The following CHD6 variants were observed in gnomAD, a reference collection of about 807,000 sequenced individuals.
The protein encoded by CHD6 is chromodomain helicase DNA binding protein 6.
In CHD6, 50 loss-of-function variants were observed where a neutral mutation model predicts 276.9. The observed-to-expected ratio is 0.18, with a 90% CI of 0.14 to 0.23. CHD6 has a LOEUF of 0.23. Among genes scored for constraint, CHD6 ranks in the 10% least tolerant of loss-of-function variants. The pLI, the probability that CHD6 is intolerant of heterozygous loss-of-function variation, is 1.00. For missense variants in CHD6, 2,564 were observed against 3,365.8 expected, an observed-to-expected ratio of 0.76 and a Z score of 5.89; for synonymous variants, 1,173 against 1,229.3, an observed-to-expected ratio of 0.95 and a Z score of 0.96.
chr20:41,604,002 G>C (rs755803832), intron 1 of CHD6, among the ~76,000 whole-genome samples: 4 of 144,864 alleles, frequency 2.8e-5, no homozygotes, highest in African/African-American at 1.0e-4. Flanking sequence ...GTGCGCATGC[G>C]TGTTTGTATA....
intron 11 of CHD6, among the ~76,000 whole-genome samples, chr20:41,490,308 T>C (rs979622440): frequency 2.0e-5 from 3 of 152,250 alleles, no homozygotes; most frequent in Admixed American, 6.5e-5. Context: ...GGGAACATCA[T>C]AGAGTGTACC....
At chr20:41,534,045 A>G (rs1384930395) in intron 2 of CHD6, among the ~76,000 whole-genome samples, 1 of 152,228 alleles carries the variant, frequency 6.6e-6, no homozygotes, top group Non-Finnish European at 1.5e-5. Flanking sequence ...AGCCCCCCAA[A>G]GTGACCACTT....
At chr20:41,438,331 T>C (rs1372574434) in intron 26 of CHD6, among the ~76,000 whole-genome samples, 2 of 152,208 alleles carry the variant, frequency 1.3e-5, no homozygotes, top group African/African-American at 4.8e-5. Context: ...GGCTCACACC[T>C]GTAATCCCAG....
intron 1 of CHD6, among the ~76,000 whole-genome samples, chr20:41,585,511 CAAAAAAAA>C (rs60920576): frequency 2.7e-5 from 2 of 74,234 alleles, no homozygotes; most frequent in African/African-American, 8.3e-5. Context: ...TCCGTCTCAC[CAAAAAAAA>C]AAAAAAAAAA....
At chr20:41,436,908 A>C (rs2047726458) in intron 27 of CHD6, among the ~76,000 whole-genome samples, 1 of 152,196 alleles carries the variant, frequency 6.6e-6, no homozygotes, top group African/African-American at 2.4e-5. Flanking sequence ...CAACAGGATG[A>C]ATCTTTGTGG....
chr20:41,511,518 T>G (rs1415252439), intron 5 of CHD6, among the ~76,000 whole-genome samples: 1 of 152,198 alleles, frequency 6.6e-6, no homozygotes, highest in Non-Finnish European at 1.5e-5. Flanking sequence ...TGGAAACTGC[T>G]AAAATGCAAA....
At chr20:41,442,824 C>T (rs2047940222) in intron 25 of CHD6, among the ~76,000 whole-genome samples, 1 of 152,196 alleles carries the variant, frequency 6.6e-6, no homozygotes, top group South Asian at 2.1e-4. Context: ...CTGATATGGA[C>T]TCTGGCGGGT....
intron 2 of CHD6, among the ~76,000 whole-genome samples, chr20:41,549,588 A>G (rs2045113066): frequency 6.6e-6 from 1 of 150,670 alleles, no homozygotes; most frequent in African/African-American, 2.5e-5. Context: ...GCACATGTAT[A>G]CATATGTAAC....
At chr20:41,581,629 T>C (rs2045540916) in intron 1 of CHD6, among the ~76,000 whole-genome samples, 1 of 150,180 alleles carries the variant, frequency 6.7e-6, no homozygotes, top group African/African-American at 2.5e-5. Context: ...TGAGCCGAGA[T>C]CATGCCACTG....
intron 27 of CHD6, among the ~76,000 whole-genome samples, chr20:41,431,317 G>A (rs2047530215): frequency 6.6e-6 from 1 of 152,106 alleles, no homozygotes; most frequent in African/African-American, 2.4e-5. Flanking sequence ...ACTGTTACAG[G>A]GGTCAGAGCT....
At chr20:41,480,527 C>A (rs1345613478) in intron 16 of CHD6, among the ~76,000 whole-genome samples, 1 of 152,066 alleles carries the variant, frequency 6.6e-6, no homozygotes, top group Non-Finnish European at 1.5e-5. Flanking sequence ...CAAATATTAA[C>A]CTAACTCAAA....
chr20:41,421,250 T>A lies in CHD6; in HGVS notation c.5385A>T (p.Ala1795=). ...SKEGELCCSE[A]GQRPENIGQL... Reference sequence around the variant, plus strand: ...GGCCAATGTTTTCAGGTCTCTGTCCTGCCTCACTGCAGCAGAGCTCCCCTT... The same window carrying A: ...GGCCAATGTTTTCAGGTCTCTGTCCAGCCTCACTGCAGCAGAGCTCCCCTT... Residue 1795 remains alanine, a synonymous_variant, in exon 31 of 37, where the codon GCA becomes GCT. Transcript: ENST00000373233. 1.2e-6 allele frequency: 2 copies of A among 1,614,142 alleles called. No homozygotes were observed. The highest frequency in any genetic ancestry group is 8.5e-7 in the Non-Finnish European group (1 of 1,180,034).
intron 35 of CHD6, 47 bp downstream of exon 35, chr20:41,413,277 C>G: frequency 7.0e-7 from 1 of 1,425,988 alleles, no homozygotes. Context: ...AGCAACAAGT[C>G]AGCAGGAAGT....
rs531691698 is a variant in CHD6, at chr20:41,478,242, A to G, written c.2469-4725T>C. On this transcript the variant is annotated intron_variant, in intron 16 of 36. Transcript: ENST00000373233. ...ACAGTGCCCCCCCATCTGATGGCCT[A>G]AGATATCAGACATGAGGCTGATATG... Among the ~76,000 whole-genome samples, 16 of 152,298 alleles carry G rather than the reference A, an allele frequency of 1.1e-4. No homozygotes were observed. The Middle Eastern group carries it at 0.014, about 130-fold the overall frequency.
chr20:41,574,257 C>A (rs1430638610), intron 1 of CHD6, among the ~76,000 whole-genome samples: 2 of 152,006 alleles, frequency 1.3e-5, no homozygotes, highest in Non-Finnish European at 2.9e-5. Flanking sequence ...AAAAAGTTTA[C>A]CAAGGGAAAA....
Position 41,408,132 on chromosome 20 carries a change from A to G in CHD6, c.7252-2643T>C, listed in dbSNP as rs1399685323. On this transcript the variant is annotated intron_variant, in intron 36 of 36. Transcript: ENST00000373233. ...AAAGCTTCATGATGGCAACTTTAAGAAAATTCTTCTCAAAAAGCCTTGGTT... is the reference window on the plus strand; with the variant it reads ...AAAGCTTCATGATGGCAACTTTAAGGAAATTCTTCTCAAAAAGCCTTGGTT... Among the ~76,000 whole-genome samples the G allele has an allele frequency of 1.2e-4, 18 of 152,044 alleles. 1 individual carries two copies. Among genetic ancestry groups the G allele is most frequent in the Admixed American group, 1.2e-3 (18 of 15,260 alleles).
chr20:41,493,407 T>C (rs2043603846), intron 10 of CHD6, 131 bp downstream of exon 10: 2 of 892,498 alleles, frequency 2.2e-6, no homozygotes, highest in Non-Finnish European at 3.5e-6. Flanking sequence ...GAATTGAGGG[T>C]TCAATGAGAA....
intron 1 of CHD6, among the ~76,000 whole-genome samples, chr20:41,605,147 CATAT>C (rs779231027): frequency 4.6e-5 from 7 of 151,800 alleles, no homozygotes; most frequent in Non-Finnish European, 8.8e-5. Context: ...CAAAAAAAGT[CATAT>C]ATAGAGAGAC....
At chr20:41,547,713 A>G in intron 2 of CHD6, 1 of 623,376 alleles carries the variant, frequency 1.6e-6, no homozygotes, top group Non-Finnish European at 2.9e-6. Flanking sequence ...ACAGAAAAAC[A>G]TTAAACACAG....
Sources: gnomAD v4.1 joint callset for allele counts (sites outside exome capture counted in the v4.1 genomes callset) on GRCh38, gnomAD v4.1.1 for gene constraint, MANE v1.5 for transcripts, NCBI Gene and HGNC (gene_info 2026-07-23, HGNC 2026-07-21) for gene names.